The following KIF5A variants were observed in gnomAD, a reference collection of about 807,000 sequenced individuals.
KIF5A encodes the protein kinesin family member 5A, also known as kinesin heavy chain isoform 5A.
Under a neutral mutation model 141.3 loss-of-function variants are expected in KIF5A, and 35 were observed. That is an observed-to-expected ratio of 0.25 (90% confidence interval 0.19 to 0.33). KIF5A has a LOEUF of 0.33. Among genes scored for constraint, KIF5A ranks in the 10% least tolerant of loss-of-function variants. The pLI is 1.00. For missense variants in KIF5A, 861 were observed against 1,314.3 expected (o/e 0.66, Z 5.33); for synonymous variants, 448 against 500.2 (o/e 0.90, Z 1.39).
In KIF5A at chr12:57,567,437, C is replaced by T. The variant is rs202220735; in HGVS notation, c.590-57C>T. On this transcript the variant is annotated intron_variant, in intron 7 of 28. Transcript: ENST00000455537. The stretch of plus-strand genomic sequence containing the variant: ...GGCTGGGGTCAGTGGAAGCCGGGGG[C>T]TGAGGACCTCAGTTCTGCAGGGTGG... The T allele has an allele frequency of 1.2e-3, 1,879 of 1,606,730 alleles. 3 individuals carry two copies. Among genetic ancestry groups the T allele is most frequent in the Non-Finnish European group, 1.4e-3 (1,642 of 1,178,288 alleles).
intron 20 of KIF5A, 111 bp from the exon 21 acceptor site, chr12:57,577,602 A>G: frequency 1.1e-6 from 1 of 882,082 alleles, no homozygotes; most frequent in Non-Finnish European, 1.9e-6. Flanking sequence ...CCTGTTTCAC[A>G]AAATAACAAT....
intron 1 of KIF5A, among the ~76,000 whole-genome samples, chr12:57,556,619 G>A (rs1881754198): frequency 6.6e-6 from 1 of 150,662 alleles, no homozygotes; most frequent in Non-Finnish European, 1.5e-5. Flanking sequence ...TCTAGATCCT[G>A]TAACTGGGAA....
At chr12:57,575,294 C>A in intron 16 of KIF5A, 22 bp downstream of exon 16, 1 of 1,607,484 alleles carries the variant, frequency 6.2e-7, no homozygotes, top group Admixed American at 1.7e-5. Context: ...AGTTTGAGAA[C>A]CTTCAGATGC....
rs1326896189 is a variant in KIF5A at position 57,586,633 on chromosome 12, A to G, written c.*2452A>G. On this transcript the variant is annotated 3_prime_UTR_variant, in exon 29 of 29. Coordinates refer to ENST00000455537, the MANE Select transcript of KIF5A (RefSeq NM_004984.4). ...ATAAAATAAATTCAATGATAACTCTATGTTGTTGTAAATATTCTTTATCCC... is the reference window on the plus strand; with the variant it reads ...ATAAAATAAATTCAATGATAACTCTGTGTTGTTGTAAATATTCTTTATCCC... The G allele has an allele frequency of 1.3e-5, 2 of 152,162 alleles. No homozygotes were observed. Among genetic ancestry groups the G allele is most frequent in the African/African-American group, 4.8e-5 (2 of 41,422 alleles). The allele number at this position is 152,162 out of a possible 1,614,324, so 9.4% of individuals were successfully genotyped here.
intron 16 of KIF5A, 47 bp from the exon 17 acceptor site, chr12:57,575,593 G>T: frequency 6.7e-7 from 1 of 1,485,140 alleles, no homozygotes; most frequent in South Asian, 1.1e-5. Flanking sequence ...GCCTGGGTTT[G>T]TGTCCTTTGC....
At chr12:57,582,532 A>T in intron 26 of KIF5A, 70 bp from the exon 27 acceptor site, 1 of 1,276,902 alleles carries the variant, frequency 7.8e-7, no homozygotes. Context: ...GGGTTTGCGC[A>T]AACTGTTTCT....
chr12:57,577,583 G>A (rs1814632820), intron 20 of KIF5A, 130 bp from the exon 21 acceptor site: 1 of 783,790 alleles, frequency 1.3e-6, no homozygotes, highest in East Asian at 2.7e-5. Flanking sequence ...CTAGGTAACA[G>A]AATGAGACCC....
Position 57,567,500 on chromosome 12 carries a change from A to G in KIF5A, c.596A>G (p.Asn199Ser). The change falls in exon 8 of 29, where the codon AAT becomes AGT. Residue 199 changes from asparagine to serine, a missense_variant. Asn to Ser is a conservative substitution (Grantham distance 46). Transcript: ENST00000455537. ...SNRHVAVTNM[N>S]EHSSRSHSIF... ...TTCTCCCTTGCTCCTGCAGACATGA[A>G]TGAACACAGCTCTCGGAGCCACAGC... is the stretch of plus-strand genomic sequence containing the variant. The G allele has an allele frequency of 6.2e-7, 1 of 1,613,148 alleles. No homozygotes were observed. The highest frequency in any genetic ancestry group is 8.5e-7 in the Non-Finnish European group (1 of 1,179,684).
At position 57,571,238 on chromosome 12, in the gene KIF5A, C is replaced by A. The variant is rs1414245754; in HGVS notation, c.1294-83C>A. Reference sequence around the variant, plus strand: ...ATACTATCTGGATTTTTATCAGGATCCTGCCTCTACCCCCAAACTTCTTAC... The same window carrying A: ...ATACTATCTGGATTTTTATCAGGATACTGCCTCTACCCCCAAACTTCTTAC... On this transcript the variant is annotated intron_variant, in intron 12 of 28. Transcript: ENST00000455537. 20 of 835,182 alleles carry A rather than the reference C, an allele frequency of 2.4e-5. No homozygotes were observed. The East Asian group carries it at 4.9e-4, about 20-fold the overall frequency. 51.7% of individuals were successfully genotyped at this position (835,182 alleles called of 1,614,324 possible). A position where few individuals can be genotyped will look rare whatever the true frequency, so the allele number is the denominator to read the frequency against.
Position 57,577,757 on chromosome 12 carries a change from G to A in KIF5A, c.2345G>A (p.Gly782Asp). ...GAGCAGTCCAAGCAGGACCTCAAGG[G>A]TCTGGAGGAGACAGTTGTGAGTGGT... is the stretch of plus-strand genomic sequence containing the variant. ...RHEQSKQDLK[G>D]LEETVARELQ... The change falls in exon 21 of 29, where the codon GGT (glycine) becomes GAT (aspartate). Residue 782 changes from glycine (G) to aspartate (D), a missense_variant. By Grantham distance (94) the Gly-to-Asp change is moderately conservative. This residue lies in a region of KIF5A where 482 missense variants were observed against 661.3 expected (regional missense o/e 0.73). Transcript: ENST00000455537. The A allele has an allele frequency of 6.2e-7, 1 of 1,613,814 alleles. No homozygotes were observed. The highest frequency in any genetic ancestry group is 8.5e-7 in the Non-Finnish European group (1 of 1,179,732).
At chr12:57,583,990 A>G (rs1183984402) in intron 28 of KIF5A, among the ~76,000 whole-genome samples, 1 of 152,090 alleles carries the variant, frequency 6.6e-6, no homozygotes, top group African/African-American at 2.4e-5. Context: ...AGGCACACAC[A>G]GGCAGAAAAG....
chr12:57,563,399 C>T, intron 1 of KIF5A, 40 bp from the exon 2 acceptor site: 1 of 1,436,518 alleles, frequency 7.0e-7, no homozygotes, highest in Non-Finnish European at 9.8e-7. Flanking sequence ...TCCCTCACAT[C>T]CTGCCTGTTG....
At chr12:57,575,986 G>A in intron 17 of KIF5A, 101 bp from the exon 18 acceptor site, 1 of 1,140,826 alleles carries the variant, frequency 8.8e-7, no homozygotes, top group South Asian at 1.2e-5. Context: ...GAACATCCCT[G>A]TGGGTCCATT....
In KIF5A at chr12:57,576,320, C is replaced by G. The variant is rs1437177704; in HGVS notation, c.2140C>G (p.Leu714Val). 1.2e-6 allele frequency: 2 copies of G among 1,613,954 alleles called. No individual in the cohort carries two copies. The highest frequency in any genetic ancestry group is 2.2e-5 in the East Asian group (1 of 44,894). Residue 714 changes from leucine to valine, a missense_variant, in exon 19 of 29, where the codon CTG becomes GTG. Leu to Val is a conservative substitution (Grantham distance 32). This residue lies in a region of KIF5A where 482 missense variants were observed against 661.3 expected (regional missense o/e 0.73). Coordinates refer to ENST00000455537, the MANE Select transcript of KIF5A (RefSeq NM_004984.4). ...TCACCGGGAGGCCCATCACCGGCAGCTGGCCCGGCTCCGGGACGAGATCAA... is the reference window on the plus strand; with the variant it reads ...TCACCGGGAGGCCCATCACCGGCAGGTGGCCCGGCTCCGGGACGAGATCAA... Reference protein sequence around the residue: ...ESHREAHHRQLARLRDEINEK... With the variant: ...ESHREAHHRQVARLRDEINEK...
chr12:57,550,523 C>A lies in KIF5A; in HGVS notation c.129+123C>A. The A allele has an allele frequency of 9.4e-7, 1 of 1,063,420 alleles. No individual in the cohort carries two copies. Among genetic ancestry groups the A allele is most frequent in the Non-Finnish European group, 1.4e-6 (1 of 724,648 alleles). The allele number at this position is 1,063,420 out of a possible 1,614,324, so 65.9% of individuals were successfully genotyped here. ...CTCCCCGCCGCTCATCCTTCATCCT[C>A]TTCCCCGCAGCCCCTCCTCTCCCCT... On this transcript the variant is annotated intron_variant, in intron 1 of 28. Transcript: ENST00000455537. This position sits in a 1 kb window ranked among gnomAD's most constrained non-coding sequence, Gnocchi z 4.6.
rs1002160775 is a variant in KIF5A, at chr12:57,550,746, C to T, written c.129+346C>T. Among the ~76,000 whole-genome samples, 4 of 152,232 alleles carry T rather than the reference C, an allele frequency of 2.6e-5. No individual in the cohort carries two copies. Among genetic ancestry groups the T allele is most frequent in the African/African-American group, 9.6e-5 (4 of 41,466 alleles). ...ACCCGCTCCCCAAGAGAAAGCGCAT[C>T]TTCCCTTTGTTATTGGCTCAGATCT... On this transcript the variant is annotated intron_variant, in intron 1 of 28. Coordinates refer to ENST00000455537, the MANE Select transcript of KIF5A (RefSeq NM_004984.4). The surrounding 1 kb of genome is among the most constrained non-coding windows in gnomAD (Gnocchi z 4.6).
chr12:57,576,062 A>G (rs1290924350), intron 17 of KIF5A, 25 bp from the exon 18 acceptor site: 3 of 1,611,788 alleles, frequency 1.9e-6, no homozygotes, highest in African/African-American at 2.7e-5. Context: ...GTTTGATGTC[A>G]GCTGTCTTCC....
chr12:57,558,248 T>C (rs1455242009), intron 1 of KIF5A, among the ~76,000 whole-genome samples: 1 of 151,276 alleles, frequency 6.6e-6, no homozygotes, highest in Non-Finnish European at 1.5e-5. Flanking sequence ...CTACTAAAAA[T>C]ATAAAAATTC....
At chr12:57,555,179 G>A (rs892893344) in intron 1 of KIF5A, among the ~76,000 whole-genome samples, 28 of 152,220 alleles carry the variant, frequency 1.8e-4, no homozygotes, top group African/African-American at 6.5e-4. Flanking sequence ...ATTCTGATAA[G>A]GAACCTCCCA....
Sources: allele counts gnomAD v4.1 joint callset (sites outside exome capture counted in the v4.1 genomes callset), GRCh38; gene constraint gnomAD v4.1.1; regional missense constraint gnomAD v4.1.1; non-coding constraint Gnocchi (gnomAD v3.1); transcripts MANE v1.5; gene names NCBI Gene and HGNC (gene_info 2026-07-23, HGNC 2026-07-21).